RILPL2: variants seen among roughly 807,000 people sequenced by gnomAD.
The protein encoded by RILPL2 is Rab interacting lysosomal protein like 2.
In RILPL2, 19 loss-of-function variants were observed where a neutral mutation model predicts 22.2. The observed-to-expected ratio is 0.86, with a 90% CI of 0.60 to 1.25. The LOEUF is 1.25. RILPL2 is among the 50% of genes most tolerant of loss of function. The pLI is 0.00. For missense variants in RILPL2, 243 were observed against 263.6 expected, an observed-to-expected ratio of 0.92 and a Z score of 0.54; for synonymous variants, 123 against 111.6, an observed-to-expected ratio of 1.10 and a Z score of -0.64.
chr12:123,415,300 C>A lies in RILPL2; in HGVS notation c.*591G>T, dbSNP rs1404400591. ...TTAGACTGAATGAATGCAATTGATT[C>A]ATTATACAATGAAATGTAGATATAT... On this transcript the variant is annotated 3_prime_UTR_variant, in exon 4 of 4. Transcript: ENST00000280571. 6.5e-6 allele frequency: 1 copy of A among 153,006 alleles called. No homozygotes were observed. The highest frequency in any genetic ancestry group is 2.1e-4 in the South Asian group (1 of 4,846). 9.5% of individuals were successfully genotyped at this position (153,006 alleles called of 1,614,324 possible).
rs149343593 is a variant in RILPL2 at position 123,423,078 on chromosome 12, T to C, written c.571A>G (p.Arg191Gly). 4.8e-5 allele frequency: 77 copies of C among 1,613,952 alleles called. No homozygotes were observed. In the African/African-American group the frequency reaches 9.2e-4, roughly 19 times the overall value. ...AVVTSAKNAG[R>G]NKEEKTIIKK... ...ATGATTGTCTTCTCCTCCTTGTTCC[T>C]GCCAGCATTTTTGGCACTAGTAACC... is the stretch of plus-strand genomic sequence containing the variant. The change falls in exon 3 of 4, where the codon AGG (arginine) becomes GGG (glycine). Residue 191 changes from arginine (R) to glycine (G), a missense_variant. Coordinates refer to ENST00000280571, the MANE Select transcript of RILPL2 (RefSeq NM_145058.3).
At chr12:123,427,425 G>T (rs1326676894) in intron 2 of RILPL2, among the ~76,000 whole-genome samples, 1 of 152,092 alleles carries the variant, frequency 6.6e-6, no homozygotes, top group Non-Finnish European at 1.5e-5. Context: ...GCAAAGAGAG[G>T]GAAAACAGAA....
intron 2 of RILPL2, 134 bp downstream of exon 2, chr12:123,430,374 A>C (rs149114012): frequency 9.7e-5 from 75 of 773,990 alleles, no homozygotes; most frequent in South Asian, 1.6e-4. Flanking sequence ...GCGCCACTGC[A>C]CTCCAGCCTG....
At chr12:123,434,635 C>T (rs941124772) in intron 1 of RILPL2, among the ~76,000 whole-genome samples, 1 of 151,158 alleles carries the variant, frequency 6.6e-6, no homozygotes, top group East Asian at 2.0e-4. Flanking sequence ...ACCATGTTGG[C>T]CAGGCTGGTC....
intron 2 of RILPL2, among the ~76,000 whole-genome samples, chr12:123,429,247 C>T (rs1593493535): frequency 1.3e-5 from 2 of 152,018 alleles, no homozygotes; most frequent in African/African-American, 4.8e-5. Context: ...GCTTCAGGCT[C>T]CCTAAGTGCT....
chr12:123,410,729 A>G (rs897880496), downstream of RILPL2: 1 of 151,270 alleles, frequency 6.6e-6, no homozygotes, highest in Non-Finnish European at 1.5e-5. Context: ...AAAAAAAAAC[A>G]ACACTTGGAA....
chr12:123,427,825 G>A (rs143785821), intron 2 of RILPL2, among the ~76,000 whole-genome samples: 111 of 152,300 alleles, frequency 7.3e-4, no homozygotes, highest in African/African-American at 2.6e-3. Flanking sequence ...GATTACAGGT[G>A]TGAGCCACCT....
chr12:123,409,915 G>A, the RILPL2 span, among the ~76,000 whole-genome samples: 1 of 151,794 alleles, frequency 6.6e-6, no homozygotes, highest in Non-Finnish European at 1.5e-5. Flanking sequence ...TAGTAGAGAC[G>A]GTCTTTCACC....
intron 2 of RILPL2, among the ~76,000 whole-genome samples, chr12:123,425,641 C>T (rs958876202): frequency 1.2e-4 from 18 of 149,034 alleles, no homozygotes; most frequent in Non-Finnish European, 2.5e-4. Flanking sequence ...AAAGAGTGGG[C>T]TCTTAATATC....
At chr12:123,435,821 CG>C (rs1487322220) in intron 1 of RILPL2, among the ~76,000 whole-genome samples, 1 of 151,894 alleles carries the variant, frequency 6.6e-6, no homozygotes, top group East Asian at 1.9e-4. Flanking sequence ...GCATTAACTG[CG>C]AACTCGTTAG....
At chr12:123,419,782 A>G (rs959762925) in intron 3 of RILPL2, among the ~76,000 whole-genome samples, 1 of 149,928 alleles carries the variant, frequency 6.7e-6, no homozygotes, top group African/African-American at 2.5e-5. Context: ...TTATTTATTT[A>G]ATTTTTATTT....
intron 1 of RILPL2, among the ~76,000 whole-genome samples, chr12:123,432,985 TAAGAAG>T (rs147578719): frequency 0.024 from 3,649 of 151,410 alleles, 135 homozygotes; most frequent in African/African-American, 0.08. Context: ...TAATAATAAT[TAAGAAG>T]AAGAAGAAGA....
At position 123,415,929 on chromosome 12, in the gene RILPL2, GGA is replaced by G. The variant is rs369564113; in HGVS notation, c.606-10_606-9del. Reference sequence around the variant, plus strand: ...CCCGATCGAAAAAAGAACCTGGTGTGGAGAGAGAGAGGGTTCAGGGTAAGCAG... The same window carrying G: ...CCCGATCGAAAAAAGAACCTGGTGTGGAGAGAGAGGGTTCAGGGTAAGCAG... On this transcript the variant is annotated splice_polypyrimidine_tract_variant and intron_variant, in intron 3 of 3. Coordinates refer to ENST00000280571, the MANE Select transcript of RILPL2 (RefSeq NM_145058.3). The G allele has an allele frequency of 2.5e-6, 4 of 1,613,496 alleles. No homozygotes were observed. Among genetic ancestry groups the G allele is most frequent in the Non-Finnish European group, 3.4e-6 (4 of 1,179,520 alleles).
At chr12:123,422,557 C>A (rs929635966) in intron 3 of RILPL2, among the ~76,000 whole-genome samples, 3 of 152,092 alleles carry the variant, frequency 2.0e-5, no homozygotes, top group Non-Finnish European at 4.4e-5. Context: ...GACATGGGGT[C>A]TCACTTTGTT....
chr12:123,430,237 G>A (rs974975485), intron 2 of RILPL2, among the ~76,000 whole-genome samples: 27 of 149,154 alleles, frequency 1.8e-4, no homozygotes, highest in South Asian at 6.4e-4. Flanking sequence ...GTGAAACTCC[G>A]TTTCTACTAA....
chr12:123,434,449 A>C (rs1359002754), intron 1 of RILPL2, among the ~76,000 whole-genome samples: 1 of 151,418 alleles, frequency 6.6e-6, no homozygotes, highest in Admixed American at 6.6e-5. Flanking sequence ...TTTGAGACAA[A>C]ATCTCGCTCT....
Position 123,436,607 on chromosome 12 carries a change from C to G in RILPL2, c.-187G>C. 2 of 943,658 alleles carry G rather than the reference C, an allele frequency of 2.1e-6. No homozygotes were observed. The highest frequency in any genetic ancestry group is 3.1e-6 in the Non-Finnish European group (2 of 653,852). The allele number at this position is 943,658 out of a possible 1,614,324, so 58.5% of individuals were successfully genotyped here. On this transcript the variant is annotated 5_prime_UTR_variant, in exon 1 of 4. Coordinates refer to ENST00000280571, the MANE Select transcript of RILPL2 (RefSeq NM_145058.3). The surrounding 1 kb of genome is among the most constrained non-coding windows in gnomAD (Gnocchi z 6.7). ...CGCGACTCTTGGGCCTGCGCCCCGG[C>G]GCACCGTCCCCGCTGCCAGCCACGC...
chr12:123,436,326 C>A lies in RILPL2; in HGVS notation c.95G>T (p.Ser32Ile), dbSNP rs1433492491. The A allele has an allele frequency of 6.3e-7, 1 of 1,577,252 alleles. No individual in the cohort carries two copies. Residue 32 changes from serine to isoleucine, a missense_variant, in exon 1 of 4, where the codon AGC becomes ATC. Coordinates refer to ENST00000280571, the MANE Select transcript of RILPL2 (RefSeq NM_145058.3). The surrounding 1 kb of genome is among the most constrained non-coding windows in gnomAD (Gnocchi z 6.7). ...EVGPEGALGK[S>I]PFQLTAEDVY... ...GTCCTCGGCGGTCAGCTGGAAGGGG[C>A]TCTTGCCCAGCGCCCCCTCGGGCCC...
downstream of RILPL2, chr12:123,413,759 C>T (rs1444977227): frequency 1.3e-5 from 2 of 152,252 alleles, no homozygotes; most frequent in African/African-American, 4.8e-5. Flanking sequence ...TGACAGGGCG[C>T]TGATTGGTGC....
Sources: gnomAD v4.1 joint callset for allele counts (sites outside exome capture counted in the v4.1 genomes callset) on GRCh38, gnomAD v4.1.1 for gene constraint, Gnocchi (gnomAD v3.1) non-coding constraint, MANE v1.5 for transcripts, NCBI Gene and HGNC (gene_info 2026-07-23, HGNC 2026-07-21) for gene names.